Variants in XKR4 observed in about 807,000 individuals in gnomAD.
XKR4 encodes the protein XK-related protein 4.
XKR4 carries 12 observed loss-of-function variants against 53.9 expected under a neutral mutation model. The ratio of observed to expected loss-of-function variants is 0.22; its 90% CI spans 0.14 to 0.36. The LOEUF (loss-of-function observed/expected upper bound fraction) is 0.36, where lower values mean the gene tolerates loss of function less well. Ranked by LOEUF, XKR4 falls within the 10% of genes least tolerant of loss-of-function variation. XKR4 has a pLI of 1.00. For synonymous variants in XKR4, 354 were observed against 362.4 expected, an observed-to-expected ratio of 0.98 and a Z score of 0.26; for missense variants, 799 against 859.5, an observed-to-expected ratio of 0.93 and a Z score of 0.88.
intron 2 of XKR4, among the ~76,000 whole-genome samples, chr8:55,444,101 G>A (rs1424592982): frequency 1.3e-5 from 2 of 152,174 alleles, no homozygotes; most frequent in East Asian, 1.9e-4. Flanking sequence ...AACCTGGGAG[G>A]TGGAGGTTGC....
At chr8:55,274,198 G>T (rs1818734030) in intron 1 of XKR4, among the ~76,000 whole-genome samples, 2 of 152,152 alleles carry the variant, frequency 1.3e-5, no homozygotes, top group Admixed American at 1.3e-4. Flanking sequence ...TATATGACTA[G>T]TGCTATATTA....
In XKR4 at chr8:55,527,738, C is replaced by A. The variant is rs1008743532; in HGVS notation, c.*3511C>A. On this transcript the variant is annotated 3_prime_UTR_variant, in exon 3 of 3. Coordinates refer to ENST00000327381, the MANE Select transcript of XKR4 (RefSeq NM_052898.2). ...GTTAACCCAACAAATATAATAAATT[C>A]TCTTACTGACATGGCAAGAATATAT... The A allele has an allele frequency of 6.6e-6, 1 of 152,134 alleles. No individual in the cohort carries two copies. Among genetic ancestry groups the A allele is most frequent in the Non-Finnish European group, 1.5e-5 (1 of 68,014 alleles). 9.4% of individuals were successfully genotyped at this position (152,134 alleles called of 1,614,324 possible). A position where few individuals can be genotyped will look rare whatever the true frequency, so the allele number is the denominator to read the frequency against.
intron 1 of XKR4, among the ~76,000 whole-genome samples, chr8:55,217,603 A>G (rs1305870666): frequency 6.6e-6 from 1 of 152,250 alleles, no homozygotes. Context: ...TGGTATATTC[A>G]AAGCATGGAC....
chr8:55,122,283 C>G (rs918036030), intron 1 of XKR4, among the ~76,000 whole-genome samples: 1 of 152,134 alleles, frequency 6.6e-6, no homozygotes, highest in African/African-American at 2.4e-5. Context: ...GTAGAAATGT[C>G]TTTTCATTTT....
At chr8:55,289,695 G>GAAAGAA (rs778422703) in intron 1 of XKR4, among the ~76,000 whole-genome samples, 5 of 87,698 alleles carry the variant, frequency 5.7e-5, no homozygotes, top group Admixed American at 1.2e-4. Flanking sequence ...AAGAAAGAAA[G>GAAAGAA]AGAAAGAAAG....
At chr8:55,242,794 A>G (rs574561093) in intron 1 of XKR4, among the ~76,000 whole-genome samples, 3 of 152,230 alleles carry the variant, frequency 2.0e-5, no homozygotes, top group South Asian at 4.1e-4. Context: ...GTCTGCGGGC[A>G]TTACCAGAGA....
chr8:55,230,362 A>C (rs1381405306), intron 1 of XKR4, among the ~76,000 whole-genome samples: 9 of 59,222 alleles, frequency 1.5e-4, no homozygotes, highest in South Asian at 7.3e-4. Context: ...AGAAAGAGAC[A>C]CTTTTTTTTT....
intron 1 of XKR4, among the ~76,000 whole-genome samples, chr8:55,312,970 G>T (rs1819408786): frequency 6.6e-6 from 1 of 152,092 alleles, no homozygotes; most frequent in Non-Finnish European, 1.5e-5. Flanking sequence ...CAAAACATTT[G>T]ATTAGTTTTT....
rs1392448295 is a variant in XKR4 at position 55,536,606 on chromosome 8, G to T, written c.*12379G>T. On this transcript the variant is annotated 3_prime_UTR_variant, in exon 3 of 3. Coordinates refer to ENST00000327381, the MANE Select transcript of XKR4 (RefSeq NM_052898.2). ...TTCTGGATAGACAGACTGCTCCGGT[G>T]TTGTAAGTAATGGAATTGAACTTTC... 6.6e-6 allele frequency: 1 copy of T among 152,224 alleles called. No individual in the cohort carries two copies. The highest frequency in any genetic ancestry group is 1.9e-4 in the East Asian group (1 of 5,204). The allele number at this position is 152,224 out of a possible 1,614,324, so 9.4% of individuals were successfully genotyped here.
rs138022488 is a variant in XKR4, at chr8:55,191,480, A to G, written c.806+88186A>G. Among the ~76,000 whole-genome samples, 203 of 152,222 alleles carry G rather than the reference A, an allele frequency of 1.3e-3. 1 individual carries two copies. The highest frequency in any genetic ancestry group is 1.3e-3 in the Non-Finnish European group (91 of 68,006). On this transcript the variant is annotated intron_variant, in intron 1 of 2. Coordinates refer to ENST00000327381, the MANE Select transcript of XKR4 (RefSeq NM_052898.2). ...TGTGCCCAGGGCCTGACTTTTACTA[A>G]AGATCATGATCTGCTCTCTAATGAT...
At chr8:55,149,478 G>C (rs2129355429) in intron 1 of XKR4, among the ~76,000 whole-genome samples, 1 of 152,268 alleles carries the variant, frequency 6.6e-6, no homozygotes, top group South Asian at 2.1e-4. Flanking sequence ...AAAAGAAGTG[G>C]GCCTGGATGG....
intron 2 of XKR4, among the ~76,000 whole-genome samples, chr8:55,387,719 G>GC (rs1804343976): frequency 6.6e-6 from 1 of 152,186 alleles, no homozygotes; most frequent in Non-Finnish European, 1.5e-5. Context: ...AGACTGGTGG[G>GC]AGAGGGGAAC....
chr8:55,450,242 G>T (rs1007967987), intron 2 of XKR4: 20 of 653,592 alleles, frequency 3.1e-5, no homozygotes, highest in Non-Finnish European at 8.1e-6. Flanking sequence ...CCGTCAAACC[G>T]TTCTTCCTCA....
At chr8:55,443,530 T>TAAAAAAAAAAAAAAAAAAAAAAAAAAAAA (rs751152509) in intron 2 of XKR4, among the ~76,000 whole-genome samples, 1 of 74,030 alleles carries the variant, frequency 1.4e-5, no homozygotes, top group Non-Finnish European at 2.3e-5. Context: ...TCAGTTACAT[T>TAAAAAAAAAAAAAAAAAAAAAAAAAAAAA]AAAAAAAAAA....
intron 2 of XKR4, chr8:55,452,938 T>C: frequency 7.6e-6 from 6 of 786,742 alleles, no homozygotes; most frequent in East Asian, 5.5e-5. Flanking sequence ...CTCTCCTCCT[T>C]CTGCATCAGC....
At chr8:55,117,655 C>G (rs1816329197) in intron 1 of XKR4, among the ~76,000 whole-genome samples, 1 of 152,176 alleles carries the variant, frequency 6.6e-6, no homozygotes, top group African/African-American at 2.4e-5. Flanking sequence ...AAGAGACTTG[C>G]TCAAGTGCAC....
rs1458275400 is a variant in XKR4 at position 55,532,871 on chromosome 8, A to G, written c.*8644A>G. The G allele has an allele frequency of 1.3e-5, 2 of 151,902 alleles. No homozygotes were observed. The highest frequency in any genetic ancestry group is 2.4e-5 in the African/African-American group (1 of 41,374). The allele number at this position is 151,902 out of a possible 1,614,324, so 9.4% of individuals were successfully genotyped here. A position where few individuals can be genotyped will look rare whatever the true frequency, so the allele number is the denominator to read the frequency against. ...TGTTTTTATTATATTTCCATCTACC[A>G]AATTGTTGACCTTCTCCTCCTCTCC... On this transcript the variant is annotated 3_prime_UTR_variant, in exon 3 of 3. Coordinates refer to ENST00000327381, the MANE Select transcript of XKR4 (RefSeq NM_052898.2).
At chr8:55,166,782 G>A (rs569590432) in intron 1 of XKR4, among the ~76,000 whole-genome samples, 1 of 152,306 alleles carries the variant, frequency 6.6e-6, no homozygotes, top group African/African-American at 2.4e-5. Context: ...TGTGTCTGGA[G>A]TGAGCAGTGG....
intron 1 of XKR4, among the ~76,000 whole-genome samples, chr8:55,103,885 A>ATATATG (rs1554559292): frequency 6.5e-5 from 9 of 137,436 alleles, no homozygotes; most frequent in African/African-American, 2.6e-4. Context: ...ATATATATAT[A>ATATATG]TATATATATC....
Sources: gnomAD v4.1 joint callset for allele counts (sites outside exome capture counted in the v4.1 genomes callset) on GRCh38, gnomAD v4.1.1 for gene constraint, MANE v1.5 for transcripts, NCBI Gene and HGNC (gene_info 2026-07-23, HGNC 2026-07-21) for gene names.